Variants in SGSM2 observed in about 807,000 individuals in gnomAD.
SGSM2 encodes the protein RUN and TBC1 domain containing 1.
Under a neutral mutation model 126.6 loss-of-function variants are expected in SGSM2, and 89 were observed. That is an observed-to-expected ratio of 0.70 (90% CI 0.59 to 0.84). SGSM2 has a LOEUF of 0.84. SGSM2 is among the 40% of genes least tolerant of loss of function. The pLI is 0.00. For missense variants in SGSM2, 1,404 were observed against 1,416.6 expected (o/e 0.99, Z 0.14); for synonymous variants, 614 against 574.3 (o/e 1.07, Z -0.99).
chr17:2,365,436 A>G (rs2065523034), intron 11 of SGSM2, 95 bp downstream of exon 11: 5 of 1,392,324 alleles, frequency 3.6e-6, no homozygotes, highest in South Asian at 1.5e-5. Flanking sequence ...GGCAGGGCCC[A>G]CTGACCAGGC....
Position 2,380,182 on chromosome 17 carries a change from AG to A in SGSM2, c.*664del. On this transcript the variant is annotated 3_prime_UTR_variant, in exon 24 of 24. Transcript: ENST00000268989. ...CCTTTGGCCACCTGAGGTGACCCCC[AG>A]GCCTCCCCGGCCTTGTACAGTGTAC... 1.3e-6 allele frequency: 2 copies of A among 1,507,986 alleles called. No individual in the cohort carries two copies. The highest frequency in any genetic ancestry group is 4.1e-5 in the Admixed American group (2 of 48,812). The allele number at this position is 1,507,986 out of a possible 1,614,324, so 93.4% of individuals were successfully genotyped here.
At chr17:2,368,069 G>A (rs2065680056) in intron 12 of SGSM2, among the ~76,000 whole-genome samples, 2 of 152,336 alleles carry the variant, frequency 1.3e-5, no homozygotes, top group South Asian at 4.1e-4. Context: ...TCACTGTGTG[G>A]TTTTGAGCAA....
rs1377253302 is a variant in SGSM2 at position 2,379,721 on chromosome 17, G to A, written c.*201G>A. Reference sequence around the variant, plus strand: ...GCCAGGATGCCCTCGGATCAGGGCCGGGATGGGAGGGGTCAGCCTCAGGGA... The same window carrying A: ...GCCAGGATGCCCTCGGATCAGGGCCAGGATGGGAGGGGTCAGCCTCAGGGA... On this transcript the variant is annotated 3_prime_UTR_variant, in exon 24 of 24. Coordinates refer to ENST00000268989, the MANE Select transcript of SGSM2 (RefSeq NM_014853.3). 76 of 1,409,950 alleles carry A rather than the reference G, an allele frequency of 5.4e-5. No homozygotes were observed. Among genetic ancestry groups the A allele is most frequent in the Non-Finnish European group, 6.7e-5 (72 of 1,081,500 alleles). The allele number at this position is 1,409,950 out of a possible 1,614,324, so 87.3% of individuals were successfully genotyped here. A position where few individuals can be genotyped will look rare whatever the true frequency, so the allele number is the denominator to read the frequency against.
chr17:2,377,790 G>C (rs891971821), intron 21 of SGSM2, 67 bp from the exon 22 acceptor site: 1 of 1,052,604 alleles, frequency 9.5e-7, no homozygotes, highest in Non-Finnish European at 1.5e-6. Flanking sequence ...TGAGCGGACG[G>C]TGAGTGGCGG....
intron 2 of SGSM2, among the ~76,000 whole-genome samples, chr17:2,354,023 T>C (rs533855185): frequency 1.3e-5 from 2 of 152,178 alleles, no homozygotes; most frequent in East Asian, 3.9e-4. Context: ...TCCTCCCACC[T>C]CCACCTCCTG....
At position 2,379,762 on chromosome 17, in the gene SGSM2, G is replaced by C. The variant is rs924401613; in HGVS notation, c.*242G>C. The C allele has an allele frequency of 1.9e-5, 26 of 1,393,068 alleles. No individual in the cohort carries two copies. The African/African-American group carries it at 3.2e-4, about 17-fold the overall frequency. The allele number at this position is 1,393,068 out of a possible 1,614,324, so 86.3% of individuals were successfully genotyped here. A position where few individuals can be genotyped will look rare whatever the true frequency, so the allele number is the denominator to read the frequency against. ...GCCTCAGGGAGCAGCTGCCTTGGGG[G>C]ACACACCTACTCTGCTCCCCTCTCA... On this transcript the variant is annotated 3_prime_UTR_variant, in exon 24 of 24. Coordinates refer to ENST00000268989, the MANE Select transcript of SGSM2 (RefSeq NM_014853.3).
Position 2,337,650 on chromosome 17 carries a change from G to T in SGSM2, c.-39G>T. ...AGGCGCGGAGGCGGCGAGGGCGCGG[G>T]GGCTCTGAGGACCGCTCGGCGCCGC... is the stretch of plus-strand genomic sequence containing the variant. On this transcript the variant is annotated 5_prime_UTR_variant, in exon 1 of 24. Coordinates refer to ENST00000268989, the MANE Select transcript of SGSM2 (RefSeq NM_014853.3). The surrounding 1 kb of genome is among the most constrained non-coding windows in gnomAD (Gnocchi z 5.1). 3 of 1,385,478 alleles carry T rather than the reference G, an allele frequency of 2.2e-6. No homozygotes were observed. The highest frequency in any genetic ancestry group is 2.4e-5 in the Admixed American group (1 of 41,124). 85.8% of individuals were successfully genotyped at this position (1,385,478 alleles called of 1,614,324 possible).
At chr17:2,347,549 T>C (rs1388244896) in intron 2 of SGSM2, among the ~76,000 whole-genome samples, 2 of 152,002 alleles carry the variant, frequency 1.3e-5, no homozygotes, top group Non-Finnish European at 2.9e-5. Context: ...TTGGATTTTT[T>C]TTCATTTTAA....
In SGSM2 at chr17:2,380,660, C is replaced by G. The variant is rs2066371291; in HGVS notation, c.*1140C>G. 1 of 357,224 alleles carries G rather than the reference C, an allele frequency of 2.8e-6. No homozygotes were observed. The highest frequency in any genetic ancestry group is 2.8e-5 in the South Asian group (1 of 36,076). The allele number at this position is 357,224 out of a possible 1,614,324, so 22.1% of individuals were successfully genotyped here. On this transcript the variant is annotated 3_prime_UTR_variant, in exon 24 of 24. Coordinates refer to ENST00000268989, the MANE Select transcript of SGSM2 (RefSeq NM_014853.3). ...TAGGCATGCTGCTTGCTCGGCCATC[C>G]CCACTTCCTCCTCTACCCCAACACA...
At chr17:2,346,603 A>C (rs2064606805) in intron 2 of SGSM2, among the ~76,000 whole-genome samples, 1 of 152,084 alleles carries the variant, frequency 6.6e-6, no homozygotes, top group Non-Finnish European at 1.5e-5. Context: ...TCTGTCCAGA[A>C]GCTGGACATG....
chr17:2,365,357 T>C lies in SGSM2; in HGVS notation c.1288+16T>C. The C allele has an allele frequency of 1.3e-6, 2 of 1,526,588 alleles. No individual in the cohort carries two copies. The highest frequency in any genetic ancestry group is 1.8e-6 in the Non-Finnish European group (2 of 1,130,468). The allele number at this position is 1,526,588 out of a possible 1,614,324, so 94.6% of individuals were successfully genotyped here. A position where few individuals can be genotyped will look rare whatever the true frequency, so the allele number is the denominator to read the frequency against. On this transcript the variant is annotated intron_variant, in intron 11 of 23. Transcript: ENST00000268989. The stretch of plus-strand genomic sequence containing the variant: ...CACGAGCACAGTGAGTGTCCCGAGC[T>C]TCATCCCGGGGGAGGAGAGGAAGAC...
intron 22 of SGSM2, 108 bp from the exon 23 acceptor site, chr17:2,378,928 C>T (rs532497019): frequency 8.5e-7 from 1 of 1,178,666 alleles, no homozygotes; most frequent in East Asian, 3.2e-5. Flanking sequence ...GCCCCAGCCT[C>T]AGCCTCAGCC....
At position 2,376,833 on chromosome 17, in the gene SGSM2, A is replaced by G. The variant is rs768571020; in HGVS notation, c.2692+18A>G. ...CGACAATGGTGAGGGATGGCGGGAC[A>G]TGGGACTGGGCTGCGTAAGCTGGAG... On this transcript the variant is annotated intron_variant, in intron 20 of 23. Transcript: ENST00000268989. 57 of 1,613,804 alleles carry G rather than the reference A, an allele frequency of 3.5e-5. No individual in the cohort carries two copies. In the South Asian group the frequency reaches 4.6e-4, roughly 13 times the overall value.
At chr17:2,375,326 C>A in intron 17 of SGSM2, 166 bp from the exon 18 acceptor site, 1 of 791,596 alleles carries the variant, frequency 1.3e-6, no homozygotes, top group Non-Finnish European at 1.9e-6. Flanking sequence ...GCCTGGCTGG[C>A]TGGGTCAGAA....
rs940749856 is a variant in SGSM2 at position 2,337,906 on chromosome 17, G to A, written c.57+161G>A. Among the ~76,000 whole-genome samples the A allele has an allele frequency of 6.6e-6, 1 of 151,910 alleles. No individual in the cohort carries two copies. Among genetic ancestry groups the A allele is most frequent in the Admixed American group, 6.6e-5 (1 of 15,266 alleles). On this transcript the variant is annotated intron_variant, in intron 1 of 23. Transcript: ENST00000268989. The surrounding 1 kb of genome is among the most constrained non-coding windows in gnomAD (Gnocchi z 5.1). The stretch of plus-strand genomic sequence containing the variant: ...TGCGCCTCCTTCCCCTTTCTCGGAT[G>A]GGGGAGGGCAGCGCCCCTCTGCCCG...
chr17:2,371,169 G>A (rs1278301859), intron 12 of SGSM2, 93 bp from the exon 13 acceptor site: 29 of 1,368,476 alleles, frequency 2.1e-5, no homozygotes, highest in Non-Finnish European at 3.9e-6. Flanking sequence ...GTGACTTGAT[G>A]CTGCAGCTCT....
intron 22 of SGSM2, 66 bp downstream of exon 22, chr17:2,378,019 C>T: frequency 9.8e-7 from 1 of 1,019,014 alleles, no homozygotes; most frequent in Non-Finnish European, 1.5e-6. Flanking sequence ...TCCCCCAAGC[C>T]AACAGTTCTC....
rs367580287 is a variant in SGSM2 at position 2,361,412 on chromosome 17, C to T, written c.134-225C>T. On this transcript the variant is annotated intron_variant, in intron 2 of 23. Coordinates refer to ENST00000268989, the MANE Select transcript of SGSM2 (RefSeq NM_014853.3). Reference sequence around the variant, plus strand: ...TGAGGCTGCATATAGGAGGTGTGTGCGCACCAGGCGAGGGAGAGGGACAGC... The same window carrying T: ...TGAGGCTGCATATAGGAGGTGTGTGTGCACCAGGCGAGGGAGAGGGACAGC... Among the ~76,000 whole-genome samples, 245 of 152,294 alleles carry T rather than the reference C, an allele frequency of 1.6e-3. 1 individual carries two copies. The highest frequency in any genetic ancestry group is 5.8e-3 in the African/African-American group (239 of 41,554).
intron 1 of SGSM2, among the ~76,000 whole-genome samples, chr17:2,338,233 C>G (rs1490335908): frequency 6.6e-6 from 1 of 152,164 alleles, no homozygotes; most frequent in Non-Finnish European, 1.5e-5. Context: ...ACGGAGTGAT[C>G]GCTGCCGGAG....
Sources: allele counts gnomAD v4.1 joint callset (sites outside exome capture counted in the v4.1 genomes callset), GRCh38; gene constraint gnomAD v4.1.1; non-coding constraint Gnocchi (gnomAD v3.1); transcripts MANE v1.5; gene names NCBI Gene and HGNC (gene_info 2026-07-23, HGNC 2026-07-21).